Variants in ATP11A observed in about 807,000 individuals in gnomAD.
The protein encoded by ATP11A is ATPase phospholipid transporting 11A, also known as phospholipid-transporting ATPase IH.
ATP11A carries 81 observed loss-of-function variants against 154.4 expected under a neutral mutation model. The observed-to-expected ratio is 0.52, with a 90% CI of 0.44 to 0.63. ATP11A has a LOEUF of 0.63. Ranked by LOEUF, ATP11A falls within the 30% of genes least tolerant of loss-of-function variation. The pLI, the probability that ATP11A is intolerant of heterozygous loss-of-function variation, is 0.00. For missense variants in ATP11A, 1,316 were observed against 1,474.3 expected, an observed-to-expected ratio of 0.89 and a Z score of 1.76; for synonymous variants, 623 against 585.9, an observed-to-expected ratio of 1.06 and a Z score of -0.91.
intron 25 of ATP11A, among the ~76,000 whole-genome samples, chr13:112,864,559 G>A (rs371031144): frequency 0.015 from 374 of 24,814 alleles, 22 homozygotes; most frequent in African/African-American, 0.077. Context: ...AATTCAGTGC[G>A]GCCCATGCAG....
intron 1 of ATP11A, among the ~76,000 whole-genome samples, chr13:112,766,795 G>T: frequency 1.8e-5 from 2 of 112,008 alleles, no homozygotes; most frequent in Non-Finnish European, 3.6e-5. Context: ...GGAGGATGTG[G>T]GGGCGTTGGG....
chr13:112,869,108 C>T lies in ATP11A; in HGVS notation c.2992-2627C>T, dbSNP rs138982272. 1.4e-3 allele frequency among the ~76,000 whole-genome samples: 207 copies of T among 152,288 alleles called. 1 individual carries two copies. The highest frequency in any genetic ancestry group is 4.7e-3 in the African/African-American group (194 of 41,542). On this transcript the variant is annotated intron_variant, in intron 25 of 29. Coordinates refer to ENST00000375645, the MANE Select transcript of ATP11A (RefSeq NM_015205.3). ...GTGAGGACACAAAGCCAAACCACAT[C>T]ATGGCAGTTCACCTGGGGGCCCCAC...
chr13:112,705,456 G>C (rs1887042011), intron 1 of ATP11A, among the ~76,000 whole-genome samples: 1 of 138,400 alleles, frequency 7.2e-6, no homozygotes, highest in Non-Finnish European at 1.5e-5. Context: ...GGGAGCAAGA[G>C]GTACAGGCGC....
In ATP11A at chr13:112,690,090, C is replaced by T. The variant is rs1176993454; in HGVS notation, c.-327C>T. Among the ~76,000 whole-genome samples the T allele has an allele frequency of 6.7e-6, 1 of 148,574 alleles. No homozygotes were observed. Among genetic ancestry groups the T allele is most frequent in the African/African-American group, 2.4e-5 (1 of 41,116 alleles). On this transcript the variant is annotated 5_prime_UTR_variant, in exon 1 of 30. Transcript: ENST00000375645. The surrounding 1 kb of genome is among the most constrained non-coding windows in gnomAD (Gnocchi z 5.6). The stretch of plus-strand genomic sequence containing the variant: ...ACTCGGGAGGAGCAGAGCGCAGGCT[C>T]CGCCGCGGCCGGGGTGCTCCAGCCG...
rs539392866 is a variant in ATP11A, at chr13:112,769,432, G to A, written c.40-15703G>A. On this transcript the variant is annotated intron_variant, in intron 1 of 29. Coordinates refer to ENST00000375645, the MANE Select transcript of ATP11A (RefSeq NM_015205.3). ...GGTGAACTGAAGGAGCCCGTGACCC[G>A]GGTCCCTGGCAGCTGTGGCCTCTTT... Among the ~76,000 whole-genome samples the A allele has an allele frequency of 2.7e-3, 418 of 152,336 alleles. 1 individual carries two copies. Among genetic ancestry groups the A allele is most frequent in the Non-Finnish European group, 4.3e-3 (294 of 68,020 alleles).
chr13:112,756,707 C>T (rs2076843167), intron 1 of ATP11A, among the ~76,000 whole-genome samples: 1 of 152,224 alleles, frequency 6.6e-6, no homozygotes, highest in African/African-American at 2.4e-5. Context: ...GCCTCTTTGC[C>T]TTTCTTCTGG....
At chr13:112,830,492 C>G (rs112809996) in intron 12 of ATP11A, among the ~76,000 whole-genome samples, 1 of 152,184 alleles carries the variant, frequency 6.6e-6, no homozygotes, top group Non-Finnish European at 1.5e-5. Flanking sequence ...ATGAGAATTG[C>G]TTGAACCTGG....
At chr13:112,824,057 A>G (rs2078868240) in intron 9 of ATP11A, among the ~76,000 whole-genome samples, 1 of 152,116 alleles carries the variant, frequency 6.6e-6, no homozygotes, top group African/African-American at 2.4e-5. Context: ...TTCCATCCCC[A>G]GTTGGTAGAA....
chr13:112,708,478 T>C (rs1008026874), intron 1 of ATP11A, among the ~76,000 whole-genome samples: 11 of 152,210 alleles, frequency 7.2e-5, no homozygotes, highest in Non-Finnish European at 2.9e-5. Flanking sequence ...ACCGCAAGTA[T>C]AGCATGAAAT....
chr13:112,718,959 C>T (rs1888829981), intron 1 of ATP11A, among the ~76,000 whole-genome samples: 1 of 152,202 alleles, frequency 6.6e-6, no homozygotes, highest in Non-Finnish European at 1.5e-5. Context: ...GGATTACAGG[C>T]GTGAGCCACT....
At chr13:112,841,853 G>C (rs1397060974) in intron 16 of ATP11A, among the ~76,000 whole-genome samples, 1 of 152,258 alleles carries the variant, frequency 6.6e-6, no homozygotes, top group Non-Finnish European at 1.5e-5. Context: ...TCCAAGTTCA[G>C]AGGTGGCCCG....
chr13:112,837,500 C>T (rs2079269271), intron 16 of ATP11A, among the ~76,000 whole-genome samples: 1 of 152,242 alleles, frequency 6.6e-6, no homozygotes, highest in Non-Finnish European at 1.5e-5. Flanking sequence ...CGTCACGCCA[C>T]CCTCCGCCGA....
rs1485223010 is a variant in ATP11A, at chr13:112,834,634, A to G, written c.1605A>G (p.Ile535Met). Reference protein sequence around the residue: ...YLRLKDNYMEILNRENHIERF... With the variant: ...YLRLKDNYMEMLNRENHIERF... ...GGCTGAAGGACAATTACATGGAGATATTAAACAGGGAGAACCACATCGAAA... is the reference window on the plus strand; with the variant it reads ...GGCTGAAGGACAATTACATGGAGATGTTAAACAGGGAGAACCACATCGAAA... The change falls in exon 15 of 30, where the codon ATA becomes ATG. Residue 535 changes from isoleucine (I) to methionine (M), a missense_variant. This residue lies in a region of ATP11A where 876 missense variants were observed against 1,006.8 expected (regional missense o/e 0.87). Coordinates refer to ENST00000375645, the MANE Select transcript of ATP11A (RefSeq NM_015205.3). The G allele has an allele frequency of 1.9e-6, 3 of 1,614,040 alleles. No individual in the cohort carries two copies. The East Asian group carries it at 6.7e-5, about 36-fold the overall frequency.
At chr13:112,752,043 C>T (rs2076705571) in intron 1 of ATP11A, among the ~76,000 whole-genome samples, 1 of 152,204 alleles carries the variant, frequency 6.6e-6, no homozygotes, top group South Asian at 2.1e-4. Flanking sequence ...GGGACCCCTT[C>T]CCCCTTTCCA....
chr13:112,810,540 G>A (rs1283472840), intron 4 of ATP11A, 79 bp from the exon 5 acceptor site: 6 of 1,194,102 alleles, frequency 5.0e-6, no homozygotes, highest in Non-Finnish European at 7.4e-6. Context: ...TTAAACACAA[G>A]CCTTCTGTCT....
rs1271258607 is a variant in ATP11A at position 112,875,291 on chromosome 13, C to T, written c.3162-485C>T. On this transcript the variant is annotated intron_variant, in intron 27 of 29. Coordinates refer to ENST00000375645, the MANE Select transcript of ATP11A (RefSeq NM_015205.3). This position sits in a 1 kb window ranked among gnomAD's most constrained non-coding sequence, Gnocchi z 4.1. Reference sequence around the variant, plus strand: ...ATAGACGTGGACCTGTGGGCTCGGGCTGGCTGCGGGTCACTGGTCCCTGCA... The same window carrying T: ...ATAGACGTGGACCTGTGGGCTCGGGTTGGCTGCGGGTCACTGGTCCCTGCA... Among the ~76,000 whole-genome samples the T allele has an allele frequency of 6.6e-6, 1 of 152,208 alleles. No homozygotes were observed. The highest frequency in any genetic ancestry group is 1.5e-5 in the Non-Finnish European group (1 of 68,048).
intron 1 of ATP11A, among the ~76,000 whole-genome samples, chr13:112,721,913 G>T (rs528323715): frequency 1.3e-5 from 2 of 152,212 alleles, no homozygotes; most frequent in African/African-American, 4.8e-5. Flanking sequence ...CGCTGGAGGC[G>T]CCAAGTGCAG....
chr13:112,864,402 G>A (rs1401507833), intron 25 of ATP11A, among the ~76,000 whole-genome samples: 4 of 96,968 alleles, frequency 4.1e-5, no homozygotes, highest in African/African-American at 7.2e-5. Context: ...AGCGTAGCGC[G>A]TGCAGCTTCC....
chr13:112,845,806 G>GTCGGGC (rs1566565016), intron 17 of ATP11A, among the ~76,000 whole-genome samples: 2 of 112,892 alleles, frequency 1.8e-5, no homozygotes, highest in African/African-American at 7.4e-5. Flanking sequence ...AGGCACTAGT[G>GTCGGGC]ATACTAACCA....
Sources: allele counts gnomAD v4.1 joint callset (sites outside exome capture counted in the v4.1 genomes callset), GRCh38; gene constraint gnomAD v4.1.1; regional missense constraint gnomAD v4.1.1; non-coding constraint Gnocchi (gnomAD v3.1); transcripts MANE v1.5; gene names NCBI Gene and HGNC (gene_info 2026-07-23, HGNC 2026-07-21).